The following METTL15 variants were observed in gnomAD, a reference collection of about 807,000 sequenced individuals.
METTL15 encodes methyltransferase 15, mitochondrial 12S rRNA N4-cytidine, also known as 12S rRNA N(4)-cytidine methyltransferase METTL15.
In METTL15, 34 loss-of-function variants were observed where a neutral mutation model predicts 38.3. The ratio of observed to expected loss-of-function variants is 0.89; its 90% confidence interval spans 0.68 to 1.18. The LOEUF is 1.18. Among genes scored for constraint, METTL15 ranks in the 50% most tolerant of loss-of-function variants. The pLI, the probability that METTL15 is intolerant of heterozygous loss-of-function variation, is 0.00. For missense variants in METTL15, 438 were observed against 498.4 expected, an observed-to-expected ratio of 0.88 and a Z score of 1.15; for synonymous variants, 162 against 170.9, an observed-to-expected ratio of 0.95 and a Z score of 0.41.
intron 4 of METTL15, among the ~76,000 whole-genome samples, chr11:28,238,672 A>C (rs548412036): frequency 1.2e-3 from 187 of 152,288 alleles, no homozygotes; most frequent in Non-Finnish European, 1.9e-3. Context: ...CTCAGATGGA[A>C]ATGCAGAAAT....
At chr11:28,408,139 C>T (rs1850690258) in intron 5 of METTL15, among the ~76,000 whole-genome samples, 1 of 152,036 alleles carries the variant, frequency 6.6e-6, no homozygotes, top group Non-Finnish European at 1.5e-5. Flanking sequence ...GGGAACAATA[C>T]ACACTGGGGC....
intron 6 of METTL15, among the ~76,000 whole-genome samples, chr11:28,427,651 C>A (rs1407610353): frequency 6.6e-6 from 1 of 152,154 alleles, no homozygotes; most frequent in Non-Finnish European, 1.5e-5. Context: ...TCCTTCACTT[C>A]CCTTGTTAGC....
At chr11:28,440,742 TACAC>T (rs2133440211) in intron 6 of METTL15, among the ~76,000 whole-genome samples, 1 of 152,288 alleles carries the variant, frequency 6.6e-6, no homozygotes, top group Non-Finnish European at 1.5e-5. Context: ...CACACATAGG[TACAC>T]ACACAAACAT....
At chr11:28,425,252 A>C (rs1477330854) in intron 6 of METTL15, among the ~76,000 whole-genome samples, 3 of 152,206 alleles carry the variant, frequency 2.0e-5, no homozygotes, top group African/African-American at 7.2e-5. Flanking sequence ...TTCTTTCCAC[A>C]CAGAAGTCAA....
At chr11:28,380,079 T>C (rs952527374) in intron 5 of METTL15, among the ~76,000 whole-genome samples, 21 of 152,128 alleles carry the variant, frequency 1.4e-4, no homozygotes, top group Non-Finnish European at 2.5e-4. Flanking sequence ...TCTTCATTTT[T>C]AGTCTATGTG....
intron 4 of METTL15, among the ~76,000 whole-genome samples, chr11:28,288,700 A>G (rs1352608365): frequency 1.3e-5 from 2 of 152,138 alleles, no homozygotes; most frequent in Non-Finnish European, 2.9e-5. Context: ...ATCAGGAAAA[A>G]TAACTAATGG....
At chr11:28,187,447 G>A (rs1851538290) in intron 3 of METTL15, among the ~76,000 whole-genome samples, 1 of 150,454 alleles carries the variant, frequency 6.6e-6, no homozygotes, top group African/African-American at 2.4e-5. Flanking sequence ...GTATAACTCA[G>A]GGTCATTAAG....
intron 3 of METTL15, among the ~76,000 whole-genome samples, chr11:28,341,756 A>G (rs1479963335): frequency 6.6e-6 from 1 of 152,164 alleles, no homozygotes; most frequent in Admixed American, 6.5e-5. Flanking sequence ...TTATCTGTAA[A>G]ATGATGGAGT....
At chr11:28,282,542 C>T (rs1856094875) in intron 4 of METTL15, among the ~76,000 whole-genome samples, 1 of 152,192 alleles carries the variant, frequency 6.6e-6, no homozygotes, top group South Asian at 2.1e-4. Context: ...CACTTTCCAT[C>T]AAGAGGTGAA....
At chr11:28,220,498 G>A (rs780128955) in intron 4 of METTL15, among the ~76,000 whole-genome samples, 2 of 152,128 alleles carry the variant, frequency 1.3e-5, no homozygotes, top group African/African-American at 2.4e-5. Context: ...ACACTGATGA[G>A]TCTTGACTCT....
intron 4 of METTL15, among the ~76,000 whole-genome samples, chr11:28,233,911 G>A (rs971709301): frequency 1.4e-4 from 21 of 150,982 alleles, no homozygotes; most frequent in Middle Eastern, 6.8e-3. Flanking sequence ...CCATTAACTC[G>A]TCATTTAGCA....
intron 4 of METTL15, chr11:28,287,455 G>A (rs149670506): frequency 1.9e-5 from 8 of 426,526 alleles, no homozygotes; most frequent in South Asian, 1.1e-4. Flanking sequence ...AATTTTCCTA[G>A]CAATGTGATC....
chr11:28,313,410 T>G (rs1448269581), intron 6 of METTL15, among the ~76,000 whole-genome samples: 1 of 152,030 alleles, frequency 6.6e-6, no homozygotes, highest in Non-Finnish European at 1.5e-5. Context: ...TTCATAAATA[T>G]GAATTCATTA....
intron 6 of METTL15, among the ~76,000 whole-genome samples, chr11:28,431,821 A>G (rs1276770859): frequency 1.4e-5 from 2 of 147,000 alleles, no homozygotes; most frequent in Non-Finnish European, 3.0e-5. Flanking sequence ...AAAAAAAAAA[A>G]AAGAAGAGTA....
intron 5 of METTL15, among the ~76,000 whole-genome samples, chr11:28,396,256 G>A (rs1442211745): frequency 1.3e-5 from 2 of 152,050 alleles, no homozygotes; most frequent in Non-Finnish European, 2.9e-5. Flanking sequence ...CAATCAGGCA[G>A]GAGAAAGAAA....
At position 28,378,910 on chromosome 11, in the gene METTL15, G is replaced by A. The variant is rs117491456; in HGVS notation, c.*358+16874G>A. Reference sequence around the variant, plus strand: ...ACTTTTATCTCATTACTAGTTATTCGTTTGGTGAGGTTTCCTCTTTGTTCA... The same window carrying A: ...ACTTTTATCTCATTACTAGTTATTCATTTGGTGAGGTTTCCTCTTTGTTCA... On this transcript the variant is annotated intron_variant and NMD_transcript_variant, in intron 5 of 7. Transcript: ENST00000532947. Among the ~76,000 whole-genome samples, 459 of 151,828 alleles carry A rather than the reference G, an allele frequency of 3.0e-3. 6 individuals are homozygous for A. Among genetic ancestry groups the A allele is most frequent in the Admixed American group, 0.02 (305 of 15,226 alleles).
At chr11:28,530,075 A>G (rs1251339682), downstream of METTL15, among the ~76,000 whole-genome samples, 1 of 152,108 alleles carries the variant, frequency 6.6e-6, no homozygotes, top group South Asian at 2.1e-4. Flanking sequence ...GGGAAGGCCA[A>G]TAACTCTACT....
intron 6 of METTL15, among the ~76,000 whole-genome samples, chr11:28,443,388 C>T (rs1287636800): frequency 6.6e-6 from 1 of 152,030 alleles, no homozygotes; most frequent in Non-Finnish European, 1.5e-5. Context: ...AGCAGTTGGC[C>T]CTCTTCTGTT....
chr11:28,278,472 G>A (rs768786612), intron 4 of METTL15, among the ~76,000 whole-genome samples: 7 of 151,904 alleles, frequency 4.6e-5, no homozygotes, highest in African/African-American at 7.3e-5. Context: ...AAACCTCTAG[G>A]CCTTGTATTT....
Sources: allele counts gnomAD v4.1 joint callset (sites outside exome capture counted in the v4.1 genomes callset), GRCh38; gene constraint gnomAD v4.1.1; transcripts MANE v1.5; gene names NCBI Gene and HGNC (gene_info 2026-07-23, HGNC 2026-07-21).